The following LRPPRC variants were observed in gnomAD, a reference collection of about 807,000 sequenced individuals.
LRPPRC encodes the protein leucine-rich PPR motif-containing protein, mitochondrial.
Under a neutral mutation model 180.3 loss-of-function variants are expected in LRPPRC, and 120 were observed. The observed-to-expected ratio is 0.67, with a 90% CI of 0.57 to 0.77. The LOEUF is 0.77. Among genes scored for constraint, LRPPRC ranks in the 30% least tolerant of loss-of-function variants. The pLI is 0.00. For synonymous variants in LRPPRC, 723 were observed against 600.0 expected (o/e 1.21, Z -3.00); for missense variants, 2,012 against 1,657.2 (o/e 1.21, Z -3.72).
chr2:43,921,154 T>C (rs1671685745), intron 27 of LRPPRC, among the ~76,000 whole-genome samples: 2 of 152,022 alleles, frequency 1.3e-5, no homozygotes, highest in Non-Finnish European at 1.5e-5. Context: ...TAGCCAGGTG[T>C]GGTGGTGCAT....
chr2:43,996,203 G>A (rs752585927), upstream of LRPPRC, among the ~76,000 whole-genome samples: 1 of 152,194 alleles, frequency 6.6e-6, no homozygotes. Flanking sequence ...TCCGATCTGG[G>A]CATCGTGTTC....
chr2:43,984,123 C>T (rs752412120), intron 1 of LRPPRC, among the ~76,000 whole-genome samples: 2 of 151,958 alleles, frequency 1.3e-5, no homozygotes, highest in South Asian at 4.1e-4. Context: ...TATCTAGTTG[C>T]TCTATCAGTT....
At chr2:43,933,610 A>C (rs185470989) in intron 25 of LRPPRC, among the ~76,000 whole-genome samples, 1 of 152,184 alleles carries the variant, frequency 6.6e-6, no homozygotes, top group East Asian at 1.9e-4. Context: ...AATTCCACTA[A>C]GCAAAATTTA....
At chr2:43,983,343 C>A (rs1270517236) in intron 1 of LRPPRC, among the ~76,000 whole-genome samples, 7 of 143,558 alleles carry the variant, frequency 4.9e-5, no homozygotes, top group Non-Finnish European at 4.7e-5. Context: ...GGAAAAAAAA[C>A]ACCACAATTT....
At chr2:43,894,943 G>A (rs751742274) in intron 35 of LRPPRC, among the ~76,000 whole-genome samples, 2 of 152,100 alleles carry the variant, frequency 1.3e-5, no homozygotes, top group Non-Finnish European at 2.9e-5. Flanking sequence ...AGATCCCAAG[G>A]GTAGAGAGAT....
intron 1 of LRPPRC, among the ~76,000 whole-genome samples, chr2:43,994,635 C>G (rs1270584452): frequency 4.6e-5 from 7 of 152,300 alleles, no homozygotes. Flanking sequence ...ATCCCTGGCT[C>G]TCAGTCCTTA....
chr2:43,918,802 TATATATAG>T (rs1413155979), intron 27 of LRPPRC, among the ~76,000 whole-genome samples: 10 of 135,748 alleles, frequency 7.4e-5, no homozygotes, highest in African/African-American at 1.6e-4. Context: ...GATATATATA[TATATATAG>T]ATATATATAT....
At chr2:43,967,704 A>T (rs1673623742) in intron 11 of LRPPRC, among the ~76,000 whole-genome samples, 1 of 152,174 alleles carries the variant, frequency 6.6e-6, no homozygotes, top group African/African-American at 2.4e-5. Context: ...AAATAATAAT[A>T]ATAATGTTTT....
At chr2:43,990,154 G>C (rs1216937773) in intron 1 of LRPPRC, among the ~76,000 whole-genome samples, 1 of 152,166 alleles carries the variant, frequency 6.6e-6, no homozygotes, top group Non-Finnish European at 1.5e-5. Flanking sequence ...GGGAGGCAGA[G>C]GTTGCAGTGA....
At chr2:43,948,680 G>C (rs1017443644) in intron 16 of LRPPRC, among the ~76,000 whole-genome samples, 162 bp from the exon 17 acceptor site, 1 of 152,128 alleles carries the variant, frequency 6.6e-6, no homozygotes, top group Non-Finnish European at 1.5e-5. Context: ...TGTGGTTTGG[G>C]AGCACATATC....
At chr2:43,964,921 C>G (rs1673489987) in intron 11 of LRPPRC, among the ~76,000 whole-genome samples, 1 of 152,150 alleles carries the variant, frequency 6.6e-6, no homozygotes, top group African/African-American at 2.4e-5. Flanking sequence ...TGGTTCACAC[C>G]TATAGTTTCA....
intron 22 of LRPPRC, 66 bp downstream of exon 22, chr2:43,945,266 A>C: frequency 9.5e-7 from 1 of 1,055,124 alleles, no homozygotes; most frequent in South Asian, 1.3e-5. Context: ...CATTAATATC[A>C]ATTCACATGT....
At position 43,976,138 on chromosome 2, in the gene LRPPRC, AT is replaced by A; in HGVS notation, c.737+4del. On this transcript the variant is annotated splice_donor_region_variant and intron_variant, in intron 6 of 37. Coordinates refer to ENST00000260665, the MANE Select transcript of LRPPRC (RefSeq NM_133259.4). ...TAAGAACCAAAACCTTAGGTTGAAC[AT>A]TACCCAGCTCTGGCATGCCCTGTCA... 6.3e-7 allele frequency: 1 copy of A among 1,586,512 alleles called. No homozygotes were observed. The highest frequency in any genetic ancestry group is 8.7e-7 in the Non-Finnish European group (1 of 1,154,834).
chr2:43,994,854 C>T (rs1309138863), intron 1 of LRPPRC, among the ~76,000 whole-genome samples: 2 of 152,318 alleles, frequency 1.3e-5, no homozygotes, highest in Middle Eastern at 3.4e-3. Flanking sequence ...ACCATGAGAG[C>T]ATTTATTCGC....
chr2:43,897,831 G>C (rs1294795466), intron 34 of LRPPRC, among the ~76,000 whole-genome samples: 4 of 152,162 alleles, frequency 2.6e-5, no homozygotes, highest in African/African-American at 9.7e-5. Flanking sequence ...AGTAGATGAA[G>C]TACCAAGTGC....
At chr2:43,986,744 A>G (rs1474912686) in intron 1 of LRPPRC, among the ~76,000 whole-genome samples, 1 of 152,196 alleles carries the variant, frequency 6.6e-6, no homozygotes, top group African/African-American at 2.4e-5. Flanking sequence ...CAACGTGGCA[A>G]AAGGGCATTG....
At chr2:43,946,082 T>G in intron 21 of LRPPRC, 31 bp downstream of exon 21, 2 of 1,607,490 alleles carry the variant, frequency 1.2e-6, no homozygotes. Flanking sequence ...GAATAAATGT[T>G]GACAACTTGT....
chr2:43,937,688 A>G (rs1402910240), intron 23 of LRPPRC, among the ~76,000 whole-genome samples: 1 of 152,188 alleles, frequency 6.6e-6, no homozygotes. Context: ...AGCTGAACTC[A>G]AGGACATTTG....
chr2:43,963,839 CAGAAA>C, intron 11 of LRPPRC, 133 bp from the exon 12 acceptor site: 2 of 729,300 alleles, frequency 2.7e-6, no homozygotes, highest in South Asian at 3.0e-5. Flanking sequence ...GTCTAAAAGG[CAGAAA>C]AGAAACACTG....
Sources: gnomAD v4.1 joint callset for allele counts (sites outside exome capture counted in the v4.1 genomes callset) on GRCh38, gnomAD v4.1.1 for gene constraint, MANE v1.5 for transcripts, NCBI Gene and HGNC (gene_info 2026-07-23, HGNC 2026-07-21) for gene names.